MALRD1: variants seen among roughly 807,000 people sequenced by gnomAD.
MALRD1 encodes the protein MAM and LDL-receptor class A domain-containing protein 1.
In MALRD1, 247 loss-of-function variants were observed where a neutral mutation model predicts 242.1. The ratio of observed to expected loss-of-function variants is 1.02; its 90% confidence interval spans 0.92 to 1.13. The LOEUF (loss-of-function observed/expected upper bound fraction) is 1.13, where lower values mean the gene tolerates loss of function less well. Among genes scored for constraint, MALRD1 ranks in the 50% most tolerant of loss-of-function variants. The probability of loss-of-function intolerance (pLI) is 0.00; values close to 1 mark genes in which losing one functional copy is unlikely to be tolerated. For missense variants in MALRD1, 2,989 were observed against 2,533.1 expected (o/e 1.18, Z -3.86); for synonymous variants, 995 against 866.6 (o/e 1.15, Z -2.60).
intron 29 of MALRD1, among the ~76,000 whole-genome samples, chr10:19,481,312 C>T (rs1234704420): frequency 1.3e-5 from 2 of 152,090 alleles, no homozygotes; most frequent in African/African-American, 4.8e-5. Flanking sequence ...CTATTAATTG[C>T]CTGATATGTG....
chr10:19,347,718 TA>T, intron 24 of MALRD1, 52 bp from the exon 25 acceptor site: 1 of 1,538,472 alleles, frequency 6.5e-7, no homozygotes, highest in Non-Finnish European at 8.8e-7. Context: ...TTGCATGTTT[TA>T]AAGTAGGCAA....
intron 18 of MALRD1, among the ~76,000 whole-genome samples, chr10:19,211,718 A>G (rs1024035754): frequency 4.5e-5 from 6 of 133,658 alleles, no homozygotes; most frequent in Non-Finnish European, 9.6e-5. Context: ...AAAAAAAAAA[A>G]GGTTGGGCAG....
intron 8 of MALRD1, among the ~76,000 whole-genome samples, chr10:19,131,935 A>G (rs144624830): frequency 1.8e-4 from 28 of 152,332 alleles, no homozygotes; most frequent in African/African-American, 6.0e-4. Flanking sequence ...GTAAGAACAG[A>G]AATAAAATGA....
rs868134862 is a variant in MALRD1, at chr10:19,087,953, C to A, written c.435+19C>A. The stretch of plus-strand genomic sequence containing the variant: ...CTGCCAGGTATTTGAAAGCACACAG[C>A]ATTTTAAATATTTTGTCACATTTGG... On this transcript the variant is annotated intron_variant, in intron 3 of 39. Transcript: ENST00000454679. 18 of 1,230,588 alleles carry A rather than the reference C, an allele frequency of 1.5e-5. No homozygotes were observed. The highest frequency in any genetic ancestry group is 1.8e-5 in the Non-Finnish European group (18 of 985,266). 76.2% of individuals were successfully genotyped at this position (1,230,588 alleles called of 1,614,324 possible). A position where few individuals can be genotyped will look rare whatever the true frequency, so the allele number is the denominator to read the frequency against.
At chr10:19,394,321 G>A (rs1444251411) in intron 28 of MALRD1, among the ~76,000 whole-genome samples, 1 of 152,080 alleles carries the variant, frequency 6.6e-6, no homozygotes, top group Non-Finnish European at 1.5e-5. Flanking sequence ...CAGCTCACAT[G>A]GTATTTTAAG....
rs555044910 is a variant in MALRD1, at chr10:19,319,699, C to T, written c.3420-4250C>T. On this transcript the variant is annotated intron_variant, in intron 21 of 39. Transcript: ENST00000454679. The stretch of plus-strand genomic sequence containing the variant: ...GGTGCCTGCTTGCTGTTTCCTCACG[C>T]GGTAGAAGGGACTTGCTAGCTCTCT... Among the ~76,000 whole-genome samples the T allele has an allele frequency of 5.3e-5, 8 of 152,058 alleles. No individual in the cohort carries two copies. The South Asian group carries it at 1.0e-3, about 20-fold the overall frequency.
chr10:19,193,767 G>T (rs10827037), intron 14 of MALRD1, among the ~76,000 whole-genome samples: 25,410 of 151,384 alleles, frequency 0.17, 2,301 homozygotes, highest in Non-Finnish European at 0.2. Context: ...TCATATTTTG[G>T]CTCTTTAGGT....
chr10:19,057,855 G>A lies in MALRD1; in HGVS notation c.199+8718G>A, dbSNP rs534485595. Among the ~76,000 whole-genome samples, 44 of 152,256 alleles carry A rather than the reference G, an allele frequency of 2.9e-4. 3 individuals are homozygous for A. Among genetic ancestry groups the A allele is most frequent in the Admixed American group, 2.0e-3 (31 of 15,284 alleles). On this transcript the variant is annotated intron_variant, in intron 1 of 39. Transcript: ENST00000454679. ...AAAGAGAAAGAATTTTCATTATTAG[G>A]TATGATAGTGTAGCATGTAAACTAC... is the stretch of plus-strand genomic sequence containing the variant.
chr10:19,261,962 G>A (rs1839768397), intron 19 of MALRD1, among the ~76,000 whole-genome samples: 1 of 151,854 alleles, frequency 6.6e-6, no homozygotes, highest in Non-Finnish European at 1.5e-5. Context: ...AGTCAGTGTT[G>A]ACTTGAATGA....
intron 2 of MALRD1, among the ~76,000 whole-genome samples, chr10:19,080,876 A>G (rs1166101282): frequency 6.6e-6 from 1 of 152,120 alleles, no homozygotes. Context: ...TTATCCAGCA[A>G]AGGTCAAATA....
intron 14 of MALRD1, among the ~76,000 whole-genome samples, chr10:19,201,165 G>A (rs894255998): frequency 2.6e-5 from 4 of 152,052 alleles, no homozygotes; most frequent in Non-Finnish European, 4.4e-5. Context: ...ATGTATACAT[G>A]TGTGTTGACA....
chr10:19,252,938 T>C (rs1247957405), intron 18 of MALRD1, among the ~76,000 whole-genome samples: 1 of 152,004 alleles, frequency 6.6e-6, no homozygotes, highest in Non-Finnish European at 1.5e-5. Flanking sequence ...AGCAAATAGT[T>C]CCCTCAGTAT....
chr10:19,402,061 T>C (rs1011383473), intron 28 of MALRD1, among the ~76,000 whole-genome samples: 7 of 152,176 alleles, frequency 4.6e-5, no homozygotes, highest in African/African-American at 1.7e-4. Context: ...TCAAAACCAA[T>C]TTTTGTCCCC....
In MALRD1 at chr10:19,701,173, A is replaced by T. The variant is rs1833611178; in HGVS notation, c.6314+8619A>T. Among the ~76,000 whole-genome samples the T allele has an allele frequency of 2.6e-5, 4 of 152,034 alleles. No homozygotes were observed. The South Asian group carries it at 8.3e-4, about 32-fold the overall frequency. On this transcript the variant is annotated intron_variant, in intron 38 of 39. Transcript: ENST00000454679. The stretch of plus-strand genomic sequence containing the variant: ...CTCTAAAAATAACATAAAATAAATT[A>T]AAAAGAGAGAAAGAGAGAGAGGAGT...
intron 13 of MALRD1, among the ~76,000 whole-genome samples, chr10:19,173,775 A>T (rs1835107479): frequency 6.6e-6 from 1 of 152,006 alleles, no homozygotes; most frequent in Non-Finnish European, 1.5e-5. Flanking sequence ...CTTTTCCCAA[A>T]CTCTCATTAT....
intron 19 of MALRD1, among the ~76,000 whole-genome samples, chr10:19,274,296 G>C (rs1057432036): frequency 6.6e-6 from 1 of 152,144 alleles, no homozygotes; most frequent in East Asian, 1.9e-4. Flanking sequence ...GCAGCCTTAA[G>C]GGGGAAGGAA....
chr10:19,692,382 A>G (rs1032703617), intron 37 of MALRD1, 21 bp downstream of exon 37: 4 of 1,533,514 alleles, frequency 2.6e-6, no homozygotes, highest in Admixed American at 2.0e-5. Context: ...TTATGACTAA[A>G]TAAATGGCTT....
rs138720699 is a variant in MALRD1 at position 19,643,307 on chromosome 10, G to A, written c.6137+27384G>A. On this transcript the variant is annotated intron_variant, in intron 36 of 39. Transcript: ENST00000454679. Reference sequence around the variant, plus strand: ...AAAAGAAAAAAAAAATTAGGCGGACGTGGTGGCAGGTGCCTGTAATCCCAA... The same window carrying A: ...AAAAGAAAAAAAAAATTAGGCGGACATGGTGGCAGGTGCCTGTAATCCCAA... Among the ~76,000 whole-genome samples, 1,407 of 152,054 alleles carry A rather than the reference G, an allele frequency of 9.3e-3. 19 individuals carry two copies. Among genetic ancestry groups the A allele is most frequent in the African/African-American group, 0.032 (1,318 of 41,494 alleles).
chr10:19,219,270 T>TTTATA (rs1837459926), intron 18 of MALRD1, among the ~76,000 whole-genome samples: 1 of 152,100 alleles, frequency 6.6e-6, no homozygotes, highest in South Asian at 2.1e-4. Context: ...GCAGCACTGG[T>TTTATA]CACTTATACT....
Sources: allele counts gnomAD v4.1 joint callset (sites outside exome capture counted in the v4.1 genomes callset), GRCh38; gene constraint gnomAD v4.1.1; transcripts MANE v1.5; gene names NCBI Gene and HGNC (gene_info 2026-07-23, HGNC 2026-07-21).